PLCG2: variants seen among roughly 807,000 people sequenced by gnomAD.
PLCG2 encodes the protein 1-phosphatidylinositol 4,5-bisphosphate phosphodiesterase gamma-2.
PLCG2 carries 69 observed loss-of-function variants against 175.6 expected under a neutral mutation model. That is an observed-to-expected ratio of 0.39 (90% CI 0.32 to 0.48). The LOEUF is 0.48. PLCG2 is among the 20% of genes least tolerant of loss of function. PLCG2 has a pLI of 0.91. For missense variants in PLCG2, 1,798 were observed against 1,650.9 expected (o/e 1.09, Z -1.54); for synonymous variants, 827 against 624.0 (o/e 1.33, Z -4.85).
chr16:81,863,902 C>G (rs906198914), intron 5 of PLCG2, among the ~76,000 whole-genome samples: 1 of 152,178 alleles, frequency 6.6e-6, no homozygotes, highest in Non-Finnish European at 1.5e-5. Flanking sequence ...GTCCATTTAT[C>G]TCATTCAGCG....
chr16:81,824,951 C>T (rs1904980157), intron 2 of PLCG2, among the ~76,000 whole-genome samples: 1 of 152,170 alleles, frequency 6.6e-6, no homozygotes, highest in Non-Finnish European at 1.5e-5. Context: ...TAGGAGGTCA[C>T]AGTCAGGGAG....
intron 2 of PLCG2, among the ~76,000 whole-genome samples, chr16:81,840,699 G>T (rs544542242): frequency 1.1e-4 from 16 of 152,276 alleles, no homozygotes; most frequent in African/African-American, 3.6e-4. Context: ...AGTAATGTTC[G>T]CTAGACCCCT....
At chr16:81,957,691 C>T (rs577037753) in intron 32 of PLCG2, among the ~76,000 whole-genome samples, 6 of 152,156 alleles carry the variant, frequency 3.9e-5, no homozygotes, top group African/African-American at 1.4e-4. Context: ...AGAAACTGTG[C>T]TGCCTCCCTT....
chr16:81,884,777 T>TA (rs1332062355), intron 9 of PLCG2, among the ~76,000 whole-genome samples: 1 of 152,188 alleles, frequency 6.6e-6, no homozygotes, highest in Non-Finnish European at 1.5e-5. Context: ...TTCATTTACT[T>TA]AAAAAACCTC....
intron 8 of PLCG2, among the ~76,000 whole-genome samples, chr16:81,881,829 TTTGGTAGAGATGGGG>T (rs1343488184): frequency 6.6e-6 from 1 of 152,012 alleles, no homozygotes; most frequent in Non-Finnish European, 1.5e-5. Flanking sequence ...TTTTTGTATT[TTTGGTAGAGATGGGG>T]TTTCACCATG....
rs532048424 is a variant in PLCG2, at chr16:81,757,853, C to A, written c.-48+1887C>A. Among the ~76,000 whole-genome samples the A allele has an allele frequency of 2.6e-5, 4 of 152,180 alleles. No homozygotes were observed. In the East Asian group the frequency reaches 7.7e-4, roughly 29 times the overall value. On this transcript the variant is annotated intron_variant, in intron 2 of 5. Coordinates refer to the PLCG2 transcript ENST00000565054. ...CCCCACCCCTTCAATTACTCATCTA[C>A]TTTCTTTCTCTGTGGATTTGCCTAT...
intron 1 of PLCG2, among the ~76,000 whole-genome samples, chr16:81,747,558 G>A (rs750354320): frequency 3.9e-5 from 6 of 152,000 alleles, no homozygotes; most frequent in Non-Finnish European, 5.9e-5. Flanking sequence ...ATTATTAATG[G>A]TAGTATTGTT....
chr16:81,789,533 C>T (rs969128707), intron 2 of PLCG2, among the ~76,000 whole-genome samples: 1 of 152,314 alleles, frequency 6.6e-6, no homozygotes, highest in Non-Finnish European at 1.5e-5. Context: ...AAGTGATCCT[C>T]CCACCTTGGT....
intron 9 of PLCG2, among the ~76,000 whole-genome samples, chr16:81,886,385 G>T (rs141935868): frequency 1.3e-5 from 2 of 152,312 alleles, no homozygotes; most frequent in African/African-American, 4.8e-5. Context: ...AATAATCACT[G>T]CAGCACTTTG....
chr16:81,888,040 C>G (rs542238456), intron 9 of PLCG2, among the ~76,000 whole-genome samples: 335 of 33,424 alleles, frequency 0.01, 1 homozygote, highest in African/African-American at 0.023. Context: ...AGCTGAGACT[C>G]TGCAGTTTAC....
intron 13 of PLCG2, chr16:81,897,965 A>G (rs532481467): frequency 2.6e-5 from 11 of 428,790 alleles, no homozygotes; most frequent in Non-Finnish European, 4.3e-5. Context: ...CAATGAAGGC[A>G]TATGATTTCT....
chr16:81,762,371 C>G (rs1910059703), intron 2 of PLCG2, among the ~76,000 whole-genome samples: 8 of 151,864 alleles, frequency 5.3e-5, no homozygotes, highest in Admixed American at 5.3e-4. Context: ...GAGTTCAAGA[C>G]CAGCCTGGCC....
At chr16:81,953,286 T>C (rs1810257856) in intron 31 of PLCG2, among the ~76,000 whole-genome samples, 1 of 152,154 alleles carries the variant, frequency 6.6e-6, no homozygotes, top group Non-Finnish European at 1.5e-5. Flanking sequence ...GAATAAGATC[T>C]GTAGTTTTAG....
intron 5 of PLCG2, among the ~76,000 whole-genome samples, chr16:81,861,330 C>T (rs1017881178): frequency 6.6e-6 from 1 of 152,214 alleles, no homozygotes; most frequent in Non-Finnish European, 1.5e-5. Flanking sequence ...ATCTTTCCAT[C>T]TTGAAGGTGA....
chr16:81,958,131 T>C lies in PLCG2; in HGVS notation c.*133T>C. ...TTCTTCAAGCCTGCCATCAAGGACATTTCTTAAGACCCAACTGGCATGAGT... is the reference window on the plus strand; with the variant it reads ...TTCTTCAAGCCTGCCATCAAGGACACTTCTTAAGACCCAACTGGCATGAGT... On this transcript the variant is annotated 3_prime_UTR_variant, in exon 33 of 33. Coordinates refer to ENST00000564138, the MANE Select transcript of PLCG2 (RefSeq NM_002661.5). The C allele has an allele frequency of 1.4e-6, 1 of 699,348 alleles. No homozygotes were observed. Among genetic ancestry groups the C allele is most frequent in the Admixed American group, 2.1e-5 (1 of 47,254 alleles). The allele number at this position is 699,348 out of a possible 1,614,324, so 43.3% of individuals were successfully genotyped here. A position where few individuals can be genotyped will look rare whatever the true frequency, so the allele number is the denominator to read the frequency against.
chr16:81,864,721 G>A (rs187976833), intron 5 of PLCG2, among the ~76,000 whole-genome samples: 1 of 152,294 alleles, frequency 6.6e-6, no homozygotes, highest in Non-Finnish European at 1.5e-5. Flanking sequence ...GGGCAGTGGA[G>A]GTGCCGGCCC....
intron 2 of PLCG2, among the ~76,000 whole-genome samples, chr16:81,823,492 G>T (rs1216874336): frequency 2.0e-5 from 3 of 152,132 alleles, no homozygotes; most frequent in African/African-American, 7.2e-5. Context: ...GTCTAGCTTG[G>T]ATTTGTGTTG....
chr16:81,929,558 G>T (rs1910416624), intron 24 of PLCG2, among the ~76,000 whole-genome samples: 1 of 152,144 alleles, frequency 6.6e-6, no homozygotes, highest in African/African-American at 2.4e-5. Flanking sequence ...ACCGTGCCTG[G>T]CTAATTTTTG....
chr16:81,836,216 C>G (rs145992734), intron 2 of PLCG2, among the ~76,000 whole-genome samples: 9 of 152,272 alleles, frequency 5.9e-5, no homozygotes, highest in Admixed American at 3.3e-4. Flanking sequence ...CCCTGCATTT[C>G]TCAGAGGGGG....
Sources: allele counts gnomAD v4.1 joint callset (sites outside exome capture counted in the v4.1 genomes callset), GRCh38; gene constraint gnomAD v4.1.1; transcripts MANE v1.5; gene names NCBI Gene and HGNC (gene_info 2026-07-23, HGNC 2026-07-21).